The following TRAF2 variants were observed in gnomAD, a reference collection of about 807,000 sequenced individuals.
TRAF2 encodes TNF receptor-associated factor 2.
In TRAF2, 6 loss-of-function variants were observed where a neutral mutation model predicts 55.6. The observed-to-expected ratio is 0.11, with a 90% CI of 0.06 to 0.21. TRAF2 has a LOEUF of 0.21. Among genes scored for constraint, TRAF2 ranks in the 10% least tolerant of loss-of-function variants. The probability of loss-of-function intolerance (pLI) is 1.00; values close to 1 mark genes in which losing one functional copy is unlikely to be tolerated. For synonymous variants in TRAF2, 329 were observed against 276.3 expected, an observed-to-expected ratio of 1.19 and a Z score of -1.89; for missense variants, 561 against 684.5, an observed-to-expected ratio of 0.82 and a Z score of 2.01.
chr9:136,920,908 TG>T, intron 8 of TRAF2, 129 bp from the exon 9 acceptor site: 1 of 1,131,970 alleles, frequency 8.8e-7, no homozygotes, highest in Non-Finnish European at 1.2e-6. Context: ...GTGCAGGGAG[TG>T]GACATGAGAA....
chr9:136,886,587 G>A (rs1849454088), intron 1 of TRAF2, 46 bp downstream of exon 1: 1 of 983,116 alleles, frequency 1.0e-6, no homozygotes, highest in Non-Finnish European at 1.2e-6. Context: ...GCGGGCGCGG[G>A]GTCGGGTGCG....
rs959453317 is a variant in TRAF2, at chr9:136,893,525, C to G, written c.-28-5188C>G. On this transcript the variant is annotated intron_variant, in intron 1 of 10. Coordinates refer to ENST00000247668, the MANE Select transcript of TRAF2 (RefSeq NM_021138.4). ...TGTATGCGGCGTCAGTTTTGGCAGT[C>G]CACGTGTCTCTCCTGTAGAGGATTA... Among the ~76,000 whole-genome samples the G allele has an allele frequency of 2.0e-5, 3 of 152,298 alleles. No homozygotes were observed. In the South Asian group the frequency reaches 6.2e-4, roughly 32 times the overall value.
At chr9:136,910,694 G>A (rs1351678712) in intron 6 of TRAF2, among the ~76,000 whole-genome samples, 4 of 152,222 alleles carry the variant, frequency 2.6e-5, no homozygotes, top group Non-Finnish European at 5.9e-5. Flanking sequence ...GCAGCTACAG[G>A]AGGGGTCAGG....
intron 1 of TRAF2, among the ~76,000 whole-genome samples, chr9:136,892,475 T>C (rs1849600017): frequency 6.6e-6 from 1 of 151,608 alleles, no homozygotes; most frequent in African/African-American, 2.4e-5. Flanking sequence ...AAAAAATAAA[T>C]AAATAAAAAG....
chr9:136,909,973 G>C lies in TRAF2; in HGVS notation c.582G>C (p.Lys194Asn). The change falls in exon 6 of 11, where the codon AAG becomes AAC. Residue 194 changes from lysine to asparagine, a missense_variant. Physicochemically the swap from Lys to Asn is moderately conservative, Grantham distance 94. This residue lies in a region of TRAF2 where 426 missense variants were observed against 476.8 expected (regional missense o/e 0.89). Coordinates refer to ENST00000247668, the MANE Select transcript of TRAF2 (RefSeq NM_021138.4). Reference sequence around the variant, plus strand: ...CCTTAACTTGTGACGGCTGCGGCAAGAAGAAGATCCCCCGGGAGAAGGTGA... The same window carrying C: ...CCTTAACTTGTGACGGCTGCGGCAACAAGAAGATCCCCCGGGAGAAGGTGA... ...KFPLTCDGCG[K>N]KKIPREKFQD... 1 of 1,613,946 alleles carries C rather than the reference G, an allele frequency of 6.2e-7. No homozygotes were observed. The highest frequency in any genetic ancestry group is 8.5e-7 in the Non-Finnish European group (1 of 1,179,864).
chr9:136,886,076 C>A (rs1849439324), upstream of TRAF2: 1 of 152,306 alleles, frequency 6.6e-6, no homozygotes, highest in African/African-American at 2.4e-5. Flanking sequence ...CCGGTGTCGC[C>A]CGGCTTGGGC....
chr9:136,893,997 C>T (rs923710378), intron 1 of TRAF2, among the ~76,000 whole-genome samples: 19 of 148,476 alleles, frequency 1.3e-4, no homozygotes, highest in African/African-American at 4.5e-4. Context: ...ATTCTCCTGC[C>T]TTGGCCTCCG....
intron 6 of TRAF2, among the ~76,000 whole-genome samples, chr9:136,913,927 G>A (rs985590003): frequency 6.6e-6 from 1 of 152,134 alleles, no homozygotes; most frequent in Non-Finnish European, 1.5e-5. Context: ...ATGGGGCGGC[G>A]TATGTTGGGA....
rs577258494 is a variant in TRAF2 at position 136,899,571 on chromosome 9, T to G, written c.189-23T>G. 6 of 1,600,316 alleles carry G rather than the reference T, an allele frequency of 3.7e-6. No homozygotes were observed. The East Asian group carries it at 6.7e-5, about 18-fold the overall frequency. ...TGCATTAGGTTTCACAGTGGGTTGT[T>G]TTTTGCCTTTTTTCCCCACTAGCTC... On this transcript the variant is annotated intron_variant, in intron 2 of 10. Coordinates refer to ENST00000247668, the MANE Select transcript of TRAF2 (RefSeq NM_021138.4).
In TRAF2 at chr9:136,926,056, C is replaced by CG. The variant is rs765212032; in HGVS notation, c.*160dup. The CG allele has an allele frequency of 4.3e-6, 4 of 926,358 alleles. No individual in the cohort carries two copies. Among genetic ancestry groups the CG allele is most frequent in the Non-Finnish European group, 7.0e-6 (4 of 572,760 alleles). The allele number at this position is 926,358 out of a possible 1,614,324, so 57.4% of individuals were successfully genotyped here. On this transcript the variant is annotated 3_prime_UTR_variant, in exon 11 of 11. Transcript: ENST00000247668. ...CGGCCTGCAGCCAAGTTCACTGTCACGGGGGAAGGAGCCACCAGCCAGTCC... is the reference window on the plus strand; with the variant it reads ...CGGCCTGCAGCCAAGTTCACTGTCACGGGGGGAAGGAGCCACCAGCCAGTCC...
upstream of TRAF2, among the ~76,000 whole-genome samples, chr9:136,884,163 G>C (rs922570918): frequency 2.6e-5 from 4 of 151,742 alleles, no homozygotes; most frequent in African/African-American, 9.7e-5. Flanking sequence ...GGCCAGTCTG[G>C]TCTCAAACTC....
chr9:136,925,017 G>C (rs555251122), intron 10 of TRAF2, among the ~76,000 whole-genome samples: 1 of 152,224 alleles, frequency 6.6e-6, no homozygotes, highest in Non-Finnish European at 1.5e-5. Context: ...GATTGTAGGC[G>C]TGAGCCACTG....
At chr9:136,906,867 G>A (rs923426340) in intron 4 of TRAF2, among the ~76,000 whole-genome samples, 3 of 152,168 alleles carry the variant, frequency 2.0e-5, no homozygotes, top group Admixed American at 6.5e-5. Flanking sequence ...TAGCACCTTT[G>A]TAGTGCCTGC....
At chr9:136,891,948 C>T (rs540450811) in intron 1 of TRAF2, among the ~76,000 whole-genome samples, 120 of 149,550 alleles carry the variant, frequency 8.0e-4, no homozygotes, top group African/African-American at 2.7e-3. Context: ...TCGATCACCA[C>T]CTCAGGTGAT....
chr9:136,925,512 C>T (rs1001648708), intron 10 of TRAF2, among the ~76,000 whole-genome samples, 171 bp from the exon 11 acceptor site: 7 of 151,394 alleles, frequency 4.6e-5, no homozygotes, highest in African/African-American at 4.9e-5. Context: ...GGAGCCCGGG[C>T]GCTGTGGCAG....
intron 1 of TRAF2, among the ~76,000 whole-genome samples, chr9:136,891,340 C>T (rs932135763): frequency 2.0e-5 from 3 of 151,860 alleles, no homozygotes; most frequent in African/African-American, 4.8e-5. Context: ...GAACTCCTGA[C>T]CTCATGATCC....
chr9:136,905,695 C>T (rs903865981), intron 4 of TRAF2, among the ~76,000 whole-genome samples: 3 of 152,194 alleles, frequency 2.0e-5, no homozygotes, highest in Non-Finnish European at 4.4e-5. Context: ...AGACTTCTCC[C>T]AAAAGACGTG....
chr9:136,888,737 C>T (rs1849509479), intron 1 of TRAF2, among the ~76,000 whole-genome samples: 1 of 152,212 alleles, frequency 6.6e-6, no homozygotes, highest in Admixed American at 6.5e-5. Context: ...CATGTTCACA[C>T]ACCAGAGTCA....
chr9:136,909,458 C>T lies in TRAF2; in HGVS notation c.529-462C>T, dbSNP rs72761065. ...GCCCCACTTCCCTGAGACCCATCTG[C>T]ACTTCCCTGTAAACTGTCAGATGGA... On this transcript the variant is annotated intron_variant, in intron 5 of 10. Transcript: ENST00000247668. Among the ~76,000 whole-genome samples the T allele has an allele frequency of 7.3e-3, 1,107 of 152,300 alleles. 7 individuals carry two copies. The highest frequency in any genetic ancestry group is 0.016 in the Admixed American group (248 of 15,302).
Sources: allele counts gnomAD v4.1 joint callset (sites outside exome capture counted in the v4.1 genomes callset), GRCh38; gene constraint gnomAD v4.1.1; regional missense constraint gnomAD v4.1.1; transcripts MANE v1.5; gene names NCBI Gene and HGNC (gene_info 2026-07-23, HGNC 2026-07-21).